Variants in ZNF585A observed in about 807,000 individuals in gnomAD.
ZNF585A encodes the protein zinc finger protein 585A.
A neutral mutation model predicts 14.9 loss-of-function variants in ZNF585A; 9 were observed. The ratio of observed to expected loss-of-function variants is 0.60; its 90% CI spans 0.36 to 1.05. ZNF585A has a LOEUF of 1.05. Among genes scored for constraint, ZNF585A ranks in the 50% least tolerant of loss-of-function variants. The probability of loss-of-function intolerance (pLI) is 0.01; values close to 1 mark genes in which losing one functional copy is unlikely to be tolerated. For synonymous variants in ZNF585A, 276 were observed against 319.9 expected, an observed-to-expected ratio of 0.86 and a Z score of 1.46; for missense variants, 726 against 926.4, an observed-to-expected ratio of 0.78 and a Z score of 2.81.
rs750677027 is a variant in ZNF585A at position 37,155,939 on chromosome 19, G to C, written c.218C>G (p.Ala73Gly). Residue 73 changes from alanine to glycine, a missense_variant, in exon 4 of 5, where the codon GCA becomes GGA. Around this residue, in one of 2 missense-constraint regions of ZNF585A, gnomAD observed 483 missense variants for 542.8 expected, o/e 0.89. Coordinates refer to ENST00000292841, the MANE Select transcript of ZNF585A (RefSeq NM_001288800.2). ...LLSVGYQVPEAEVVMLEQGKE... is the reference protein window; with the variant it reads ...LLSVGYQVPEGEVVMLEQGKE... ...TCCTTGCTCCAACATGACCACCTCT[G>C]CTTCAGGAACTTGATATCCTGTTCA... The C allele has an allele frequency of 6.2e-7, 1 of 1,613,242 alleles. No homozygotes were observed. Among genetic ancestry groups the C allele is most frequent in the Non-Finnish European group, 8.5e-7 (1 of 1,180,006 alleles).
chr19:37,151,512 C>T lies in ZNF585A; in HGVS notation c.*77G>A. The stretch of plus-strand genomic sequence containing the variant: ...GGTCATTTCTATTTACAATAATATA[C>T]ATATTTTTCTGCTGCATGCGTGCAA... On this transcript the variant is annotated 3_prime_UTR_variant, in exon 5 of 5. Transcript: ENST00000292841. 2.2e-6 allele frequency: 3 copies of T among 1,357,002 alleles called. No individual in the cohort carries two copies. The highest frequency in any genetic ancestry group is 3.0e-6 in the Non-Finnish European group (3 of 990,346). The allele number at this position is 1,357,002 out of a possible 1,614,324, so 84.1% of individuals were successfully genotyped here.
At chr19:37,159,138 A>T (rs927418349) in intron 2 of ZNF585A, among the ~76,000 whole-genome samples, 1 of 150,988 alleles carries the variant, frequency 6.6e-6, no homozygotes. Flanking sequence ...AATCCCAGCT[A>T]CCCAGGAGGC....
At chr19:37,159,924 A>C (rs1971988014) in intron 2 of ZNF585A, among the ~76,000 whole-genome samples, 1 of 152,206 alleles carries the variant, frequency 6.6e-6, no homozygotes, top group Non-Finnish European at 1.5e-5. Flanking sequence ...ACAACCTATC[A>C]AAATCTGTGG....
chr19:37,151,981 C>G lies in ZNF585A; in HGVS notation c.1918G>C (p.Gly640Arg). 2 of 1,614,034 alleles carry G rather than the reference C, an allele frequency of 1.2e-6. No homozygotes were observed. The highest frequency in any genetic ancestry group is 1.6e-4 in the Middle Eastern group (1 of 6,062). The change falls in exon 5 of 5, where the codon GGG (glycine) becomes CGG (arginine). Residue 640 changes from glycine (G) to arginine (R), a missense_variant. This residue lies in a region of ZNF585A where 243 missense variants were observed against 383.6 expected (regional missense o/e 0.63). Transcript: ENST00000292841. The stretch of plus-strand genomic sequence containing the variant: ...TTTGACCTGCCACTAAAGGCCTTCC[C>G]GCACTCGGCACACACATAGGGTTTC... ...GEKPYVCAEC[G>R]KAFSGRSNLS... is the part of the protein sequence containing the mutation.
intron 2 of ZNF585A, among the ~76,000 whole-genome samples, chr19:37,168,584 A>G (rs1476429838): frequency 2.0e-5 from 3 of 152,182 alleles, no homozygotes; most frequent in East Asian, 1.9e-4. Context: ...GCTTCAATCT[A>G]CCCTTCATAT....
chr19:37,151,611 A>T lies in ZNF585A; in HGVS notation c.2288T>A (p.Val763Asp). ...KGFVQKSVFS[V>D]HQSSHA The stretch of plus-strand genomic sequence containing the variant: ...CTCTCAAGCGTGGCTGCTCTGATGG[A>T]CGCTGAACACTGATTTCTGAACGAA... Residue 763 changes from valine to aspartate, a missense_variant, in exon 5 of 5, where the codon GTC (valine) becomes GAC (aspartate). Coordinates refer to ENST00000292841, the MANE Select transcript of ZNF585A (RefSeq NM_001288800.2). 4 of 1,613,880 alleles carry T rather than the reference A, an allele frequency of 2.5e-6. No homozygotes were observed. Among genetic ancestry groups the T allele is most frequent in the Non-Finnish European group, 3.4e-6 (4 of 1,179,836 alleles).
In ZNF585A at chr19:37,170,047, C is replaced by T. The variant is rs1568500680; in HGVS notation, c.-137G>A. The T allele has an allele frequency of 7.5e-6, 7 of 928,584 alleles. No individual in the cohort carries two copies. The highest frequency in any genetic ancestry group is 1.1e-5 in the Non-Finnish European group (7 of 627,412). The allele number at this position is 928,584 out of a possible 1,614,324, so 57.5% of individuals were successfully genotyped here. On this transcript the variant is annotated 5_prime_UTR_variant, in exon 2 of 5. Coordinates refer to ENST00000292841, the MANE Select transcript of ZNF585A (RefSeq NM_001288800.2). ...TGGCCCAGGGGCTCCCCAGAGACACCCAGAAACCTGGAAAGACAATGTTCC... is the reference window on the plus strand; with the variant it reads ...TGGCCCAGGGGCTCCCCAGAGACACTCAGAAACCTGGAAAGACAATGTTCC...
At position 37,152,666 on chromosome 19, in the gene ZNF585A, T is replaced by C; in HGVS notation, c.1233A>G (p.Ile411Met). The C allele has an allele frequency of 6.2e-6, 10 of 1,613,944 alleles. No homozygotes were observed. The highest frequency in any genetic ancestry group is 8.5e-6 in the Non-Finnish European group (10 of 1,179,914). ...QRIHTGEKSY[I>M]CMKCGLAFIQ... Reference sequence around the variant, plus strand: ...TGAAGGCCAGTCCACATTTCATGCATATATACGATTTTTCTCCTGTATGAA... The same window carrying C: ...TGAAGGCCAGTCCACATTTCATGCACATATACGATTTTTCTCCTGTATGAA... The change falls in exon 5 of 5, where the codon ATA (isoleucine) becomes ATG (methionine). Residue 411 changes from isoleucine to methionine, a missense_variant. Around this residue, in one of 2 missense-constraint regions of ZNF585A, gnomAD observed 483 missense variants for 542.8 expected, o/e 0.89. Transcript: ENST00000292841.
rs927369683 is a variant in ZNF585A at position 37,150,509 on chromosome 19, T to C, written c.*1080A>G. 2 of 152,084 alleles carry C rather than the reference T, an allele frequency of 1.3e-5. No individual in the cohort carries two copies. The highest frequency in any genetic ancestry group is 1.9e-4 in the East Asian group (1 of 5,184). 9.4% of individuals were successfully genotyped at this position (152,084 alleles called of 1,614,324 possible). ...AAGTGGGAAGAGGTAACAGACACCA[T>C]GCTGGAGTGAGGTGATTGTAAAAGA... On this transcript the variant is annotated 3_prime_UTR_variant, in exon 5 of 5. Transcript: ENST00000292841.
Position 37,151,763 on chromosome 19 carries a change from G to A in ZNF585A, c.2136C>T (p.His712=). 1 of 1,613,810 alleles carries A rather than the reference G, an allele frequency of 6.2e-7. No homozygotes were observed. Among genetic ancestry groups the A allele is most frequent in the Non-Finnish European group, 8.5e-7 (1 of 1,179,962 alleles). The change falls in exon 5 of 5, where the codon CAC becomes CAT. Residue 712 remains histidine (H), a synonymous_variant. Transcript: ENST00000292841. Reference sequence around the variant, plus strand: ...CACACACGTAAGGCTTCTCTCCAGTGTGAATTCGCTGATGCACTTGGAGCT... The same window carrying A: ...CACACACGTAAGGCTTCTCTCCAGTATGAATTCGCTGATGCACTTGGAGCT... ...KSQLQVHQRI[H]TGEKPYVCAE...
intron 2 of ZNF585A, among the ~76,000 whole-genome samples, chr19:37,163,018 G>A (rs1972034665): frequency 6.6e-6 from 1 of 151,958 alleles, no homozygotes; most frequent in Non-Finnish European, 1.5e-5. Flanking sequence ...GAAGACGCAT[G>A]CTCTAGTTTT....
chr19:37,156,426 T>A lies in ZNF585A; in HGVS notation c.73-71A>T. On this transcript the variant is annotated intron_variant, in intron 2 of 4. Transcript: ENST00000292841. ...GTTGGAGAGACTATATTTAGGAATA[T>A]GGAATACAGGTCTTGTTGTTTTAAA... 3.2e-6 allele frequency: 5 copies of A among 1,559,440 alleles called. No homozygotes were observed. The South Asian group carries it at 6.0e-5, about 19-fold the overall frequency.
At chr19:37,163,593 A>G (rs542392107) in intron 2 of ZNF585A, among the ~76,000 whole-genome samples, 1 of 152,236 alleles carries the variant, frequency 6.6e-6, no homozygotes, top group Non-Finnish European at 1.5e-5. Context: ...AAATAAGAGG[A>G]GTTTAATAAA....
Position 37,151,966 on chromosome 19 carries a change from C to T in ZNF585A, c.1933G>A (p.Gly645Ser), listed in dbSNP as rs1443338245. ...TGGTGCTTACTGAGATTTGACCTGC[C>T]ACTAAAGGCCTTCCCGCACTCGGCA... The part of the protein sequence containing the change: ...VCAECGKAFS[G>S]RSNLSKHQKT... The change falls in exon 5 of 5, where the codon GGC (glycine) becomes AGC (serine). Residue 645 changes from glycine to serine, a missense_variant. By Grantham distance (56) the Gly-to-Ser change is moderately conservative. Around this residue, in one of 2 missense-constraint regions of ZNF585A, gnomAD observed 243 missense variants for 383.6 expected, o/e 0.63. Coordinates refer to ENST00000292841, the MANE Select transcript of ZNF585A (RefSeq NM_001288800.2). The T allele has an allele frequency of 1.2e-5, 20 of 1,613,928 alleles. No homozygotes were observed. Among genetic ancestry groups the T allele is most frequent in the Non-Finnish European group, 1.5e-5 (18 of 1,180,022 alleles).
chr19:37,159,086 AAAAAATAC>A (rs1346346514), intron 2 of ZNF585A, among the ~76,000 whole-genome samples: 2 of 151,852 alleles, frequency 1.3e-5, no homozygotes, highest in African/African-American at 4.8e-5. Context: ...CATCTCTACC[AAAAAATAC>A]AAAAATTAGC....
rs1349469664 is a variant in ZNF585A at position 37,151,826 on chromosome 19, C to T, written c.2073G>A (p.Glu691=). The T allele has an allele frequency of 2.5e-6, 4 of 1,607,692 alleles. No homozygotes were observed. The highest frequency in any genetic ancestry group is 2.7e-5 in the African/African-American group (2 of 73,244). The change falls in exon 5 of 5, where the codon GAG becomes GAA. Residue 691 remains glutamate (E), a synonymous_variant. Coordinates refer to ENST00000292841, the MANE Select transcript of ZNF585A (RefSeq NM_001288800.2). ...TGAAAGACTTCCCACAGTCACTGCACTCATAAGGTTTCTCTCCAGTATGAA... is the reference window on the plus strand; with the variant it reads ...TGAAAGACTTCCCACAGTCACTGCATTCATAAGGTTTCTCTCCAGTATGAA... ...HRIHTGEKPY[E]CSDCGKSFTK...
chr19:37,152,819 C>T lies in ZNF585A; in HGVS notation c.1080G>A (p.Gly360=), dbSNP rs146669317. Residue 360 remains glycine, a synonymous_variant, in exon 5 of 5, where the codon GGG becomes GGA. Coordinates refer to ENST00000292841, the MANE Select transcript of ZNF585A (RefSeq NM_001288800.2). ...REKSSICTEC[G]KAFTYRSELI... ...ACTCTGACCTGTAGGTAAAGGCCTT[C>T]CCACACTCAGTACATATGGAAGATT... The T allele has an allele frequency of 4.7e-4, 760 of 1,613,972 alleles. No individual in the cohort carries two copies. Among genetic ancestry groups the T allele is most frequent in the Non-Finnish European group, 6.1e-4 (717 of 1,179,986 alleles).
intron 2 of ZNF585A, among the ~76,000 whole-genome samples, chr19:37,162,951 C>G (rs764115876): frequency 3.3e-5 from 5 of 152,000 alleles, no homozygotes; most frequent in African/African-American, 7.2e-5. Context: ...ATATAACAAA[C>G]CTGCCCTTGT....
chr19:37,152,070 T>A lies in ZNF585A; in HGVS notation c.1829A>T (p.Asp610Val). 2 of 1,598,872 alleles carry A rather than the reference T, an allele frequency of 1.3e-6. No homozygotes were observed. Among genetic ancestry groups the A allele is most frequent in the South Asian group, 2.2e-5 (2 of 89,856 alleles). Residue 610 changes from aspartate to valine, a missense_variant, in exon 5 of 5, where the codon GAC (aspartate) becomes GTC (valine). Around this residue, in one of 2 missense-constraint regions of ZNF585A, gnomAD observed 243 missense variants for 383.6 expected, o/e 0.63. Transcript: ENST00000292841. Reference sequence around the variant, plus strand: ...CTTGGAGGTAAAGGACTTCCCACAGTCACTGCATTCATAAGGCTTCTCTCC... The same window carrying A: ...CTTGGAGGTAAAGGACTTCCCACAGACACTGCATTCATAAGGCTTCTCTCC... ...HTGEKPYECS[D>V]CGKSFTSKSQ...
Sources: gnomAD v4.1 joint callset for allele counts (sites outside exome capture counted in the v4.1 genomes callset) on GRCh38, gnomAD v4.1.1 for gene constraint, gnomAD v4.1.1 regional missense constraint, MANE v1.5 for transcripts, NCBI Gene and HGNC (gene_info 2026-07-23, HGNC 2026-07-21) for gene names.